The following DCAF8 variants were observed in gnomAD, a reference collection of about 807,000 sequenced individuals.
The protein encoded by DCAF8 is DDB1- and CUL4-associated factor 8.
A neutral mutation model predicts 68.0 loss-of-function variants in DCAF8; 20 were observed. The observed-to-expected ratio is 0.29, with a 90% CI of 0.21 to 0.43. The LOEUF (loss-of-function observed/expected upper bound fraction) is 0.43. DCAF8 is among the 20% of genes least tolerant of loss of function. The pLI, the probability that DCAF8 is intolerant of heterozygous loss-of-function variation, is 1.00. For synonymous variants in DCAF8, 230 were observed against 276.9 expected (o/e 0.83, Z 1.68); for missense variants, 460 against 771.0 (o/e 0.60, Z 4.78).
chr1:160,232,301 G>A (rs781068960), intron 6 of DCAF8, among the ~76,000 whole-genome samples: 1 of 151,706 alleles, frequency 6.6e-6, no homozygotes, highest in Non-Finnish European at 1.5e-5. Flanking sequence ...GAGGCTAGGA[G>A]CTCAAGATCA....
chr1:160,248,847 T>C (rs1453043301), intron 2 of DCAF8, among the ~76,000 whole-genome samples: 1 of 150,872 alleles, frequency 6.6e-6, no homozygotes, highest in Non-Finnish European at 1.5e-5. Context: ...TGAGCTATGA[T>C]CCTGCTACTC....
rs376402308 is a variant in DCAF8, at chr1:160,238,777, C to T, written c.724-30G>A. ...GGTGTTAAAAATGAAAAAAAGGACACACAAAAGAAATGAGAGAGGTAAACT... is the reference window on the plus strand; with the variant it reads ...GGTGTTAAAAATGAAAAAAAGGACATACAAAAGAAATGAGAGAGGTAAACT... On this transcript the variant is annotated intron_variant, in intron 4 of 13. Coordinates refer to ENST00000368074, the MANE Select transcript of DCAF8 (RefSeq NM_015726.4). The T allele has an allele frequency of 1.3e-5, 20 of 1,572,454 alleles. No homozygotes were observed. The African/African-American group carries it at 2.6e-4, about 20-fold the overall frequency.
At chr1:160,246,331 C>T (rs531364198) in intron 2 of DCAF8, among the ~76,000 whole-genome samples, 1 of 152,290 alleles carries the variant, frequency 6.6e-6, no homozygotes, top group Non-Finnish European at 1.5e-5. Context: ...AGCATCAACT[C>T]CTACAGGAGC....
intron 6 of DCAF8, 62 bp downstream of exon 6, chr1:160,237,071 GAC>G: frequency 8.6e-7 from 1 of 1,168,712 alleles, no homozygotes; most frequent in Non-Finnish European, 1.2e-6. Flanking sequence ...GCATTACCAA[GAC>G]ATATGGAATA....
At chr1:160,230,719 G>GA (rs1655648751) in intron 7 of DCAF8, among the ~76,000 whole-genome samples, 1 of 152,060 alleles carries the variant, frequency 6.6e-6, no homozygotes, top group African/African-American at 2.4e-5. Context: ...TGGCTTAGCT[G>GA]CCACGTGAGG....
chr1:160,239,304 T>C (rs1248063508), intron 4 of DCAF8: 2 of 1,143,916 alleles, frequency 1.7e-6, no homozygotes, highest in Non-Finnish European at 1.1e-6. Flanking sequence ...CATAACCCTA[T>C]GTGTTATTAG....
intron 6 of DCAF8, among the ~76,000 whole-genome samples, chr1:160,234,242 C>CAAAAAAAAAAAAAA (rs10660397): frequency 7.2e-6 from 1 of 138,788 alleles, no homozygotes. Context: ...GACTGCACCT[C>CAAAAAAAAAAAAAA]AAAAAAAAAA....
At chr1:160,242,305 G>T (rs530892025) in intron 3 of DCAF8, among the ~76,000 whole-genome samples, 1 of 151,432 alleles carries the variant, frequency 6.6e-6, no homozygotes, top group East Asian at 1.9e-4. Context: ...CTAGGGGCTG[G>T]AAGAAAAAGT....
chr1:160,248,230 C>T (rs1656432265), intron 2 of DCAF8, among the ~76,000 whole-genome samples: 1 of 151,918 alleles, frequency 6.6e-6, no homozygotes, highest in Admixed American at 6.6e-5. Flanking sequence ...TCGCTGGAAC[C>T]CAGGAGGTGG....
chr1:160,217,330 A>T lies in DCAF8; in HGVS notation c.*262T>A. On this transcript the variant is annotated 3_prime_UTR_variant, in exon 14 of 14. Coordinates refer to ENST00000368074, the MANE Select transcript of DCAF8 (RefSeq NM_015726.4). The stretch of plus-strand genomic sequence containing the variant: ...CAAAATAGGCTTCCCTCTCCTCTCA[A>T]AAAGAGGCTTTGGGGAGAGGCCATT... The T allele has an allele frequency of 2.7e-6, 1 of 374,204 alleles. No homozygotes were observed. The highest frequency in any genetic ancestry group is 4.7e-6 in the Non-Finnish European group (1 of 210,742). 23.2% of individuals were successfully genotyped at this position (374,204 alleles called of 1,614,324 possible).
chr1:160,250,562 C>T (rs941088856), intron 2 of DCAF8, among the ~76,000 whole-genome samples: 1 of 150,412 alleles, frequency 6.6e-6, no homozygotes, highest in African/African-American at 2.4e-5. Context: ...ACACTAAATT[C>T]TCAAGGCTGT....
At chr1:160,219,184 T>C in intron 11 of DCAF8, 1 of 562,380 alleles carries the variant, frequency 1.8e-6, no homozygotes, top group Non-Finnish European at 3.1e-6. Context: ...AATCATTTCC[T>C]ATGTATAGGT....
rs1374537554 is a variant in DCAF8 at position 160,227,839 on chromosome 1, C to T, written c.1071-2176G>A. Among the ~76,000 whole-genome samples, 8 of 152,114 alleles carry T rather than the reference C, an allele frequency of 5.3e-5. No individual in the cohort carries two copies. The East Asian group carries it at 1.5e-3, about 29-fold the overall frequency. On this transcript the variant is annotated intron_variant, in intron 7 of 13. Coordinates refer to ENST00000368074, the MANE Select transcript of DCAF8 (RefSeq NM_015726.4). ...GACAGTAAGCATAGAAAGATTAATA[C>T]AAACTTTCCTACCACTTTCTGAACA...
rs1022403682 is a variant in DCAF8, at chr1:160,230,966, G to C, written c.1070+331C>G. ...GACAGAGTTTTGCCATGTTGGCCAG[G>C]CTGGTCCCAAACTCCTGTCCTTAGG... On this transcript the variant is annotated intron_variant, in intron 7 of 13. Transcript: ENST00000368074. Among the ~76,000 whole-genome samples, 14 of 152,058 alleles carry C rather than the reference G, an allele frequency of 9.2e-5. No individual in the cohort carries two copies. The East Asian group carries it at 2.5e-3, about 27-fold the overall frequency.
rs4656893 is a variant in DCAF8 at position 160,250,652 on chromosome 1, A to G, written c.-26-6618T>C. 4.3e-3 allele frequency among the ~76,000 whole-genome samples: 653 copies of G among 152,278 alleles called. 13 individuals carry two copies. In the East Asian group the frequency reaches 0.064, roughly 15 times the overall value. On this transcript the variant is annotated intron_variant, in intron 2 of 13. Coordinates refer to ENST00000368074, the MANE Select transcript of DCAF8 (RefSeq NM_015726.4). ...TGTCCAGACTTCTCACTTGAAAACG[A>G]AAGTGCTGAAAGGATTTTTGCTGCA...
chr1:160,222,906 A>C (rs976682449), intron 10 of DCAF8, 125 bp from the exon 11 acceptor site: 42 of 1,350,104 alleles, frequency 3.1e-5, no homozygotes, highest in Non-Finnish European at 3.9e-5. Flanking sequence ...TTTAACAGAT[A>C]GTTATAGGAA....
rs766766853 is a variant in DCAF8 at position 160,239,940 on chromosome 1, C to T, written c.480G>A (p.Glu160=). ...AGCGGGCACTTGAACCCAGCTCCCG[C>T]TCCCGAAGGGCAGGGAGGGCTTGCC... The part of the protein sequence containing the change: ...PRWQALPALR[E]RELGSSARFV... The change falls in exon 4 of 14, where the codon GAG becomes GAA. Residue 160 remains glutamate, a synonymous_variant. Transcript: ENST00000368074. 6 of 1,614,252 alleles carry T rather than the reference C, an allele frequency of 3.7e-6. No individual in the cohort carries two copies. In the South Asian group the frequency reaches 6.6e-5, roughly 18 times the overall value.
At chr1:160,251,032 T>C (rs553069096) in intron 2 of DCAF8, among the ~76,000 whole-genome samples, 1 of 152,280 alleles carries the variant, frequency 6.6e-6, no homozygotes, top group African/African-American at 2.4e-5. Flanking sequence ...GTTTATATAA[T>C]CCCAGCATTC....
chr1:160,247,478 T>C (rs1557839690), intron 2 of DCAF8, among the ~76,000 whole-genome samples: 2 of 152,356 alleles, frequency 1.3e-5, no homozygotes, highest in East Asian at 1.9e-4. Context: ...CAAGTGTCTC[T>C]TGTTTAAAAC....
Sources: gnomAD v4.1 joint callset for allele counts (sites outside exome capture counted in the v4.1 genomes callset) on GRCh38, gnomAD v4.1.1 for gene constraint, MANE v1.5 for transcripts, NCBI Gene and HGNC (gene_info 2026-07-23, HGNC 2026-07-21) for gene names.